Variants in SLIT3 observed in about 807,000 individuals in gnomAD.
The protein encoded by SLIT3 is slit guidance ligand 3, also known as slit homolog 3 protein.
Under a neutral mutation model 184.0 loss-of-function variants are expected in SLIT3, and 68 were observed. That is an observed-to-expected ratio of 0.37 (90% CI 0.30 to 0.45). The LOEUF is 0.45. Among genes scored for constraint, SLIT3 ranks in the 20% least tolerant of loss-of-function variants. SLIT3 has a pLI of 1.00. For missense variants in SLIT3, 1,707 were observed against 2,026.0 expected, an observed-to-expected ratio of 0.84 and a Z score of 3.02; for synonymous variants, 831 against 828.6, an observed-to-expected ratio of 1.00 and a Z score of -0.05.
At chr5:169,020,377 C>G (rs1488929629) in intron 4 of SLIT3, among the ~76,000 whole-genome samples, 1 of 152,116 alleles carries the variant, frequency 6.6e-6, no homozygotes, top group African/African-American at 2.4e-5. Context: ...TGAGTTTGAT[C>G]CCCCACGATG....
Position 168,865,988 on chromosome 5 carries a change from A to G in SLIT3, c.485+17277T>C, listed in dbSNP as rs116592315. Among the ~76,000 whole-genome samples the G allele has an allele frequency of 4.3e-3, 657 of 152,266 alleles. 4 individuals carry two copies. Among genetic ancestry groups the G allele is most frequent in the African/African-American group, 0.015 (640 of 41,554 alleles). Reference sequence around the variant, plus strand: ...TGTATTCTCATTCCTAAGCAGCTTGACCTTCCCATCTACCCAACTATGGTA... The same window carrying G: ...TGTATTCTCATTCCTAAGCAGCTTGGCCTTCCCATCTACCCAACTATGGTA... On this transcript the variant is annotated intron_variant, in intron 5 of 35. Transcript: ENST00000519560.
At chr5:168,985,757 G>C (rs534170077) in intron 4 of SLIT3, among the ~76,000 whole-genome samples, 1 of 152,114 alleles carries the variant, frequency 6.6e-6, no homozygotes, top group Non-Finnish European at 1.5e-5. Context: ...TGTGGTGGCC[G>C]TCTTGCTACA....
intron 4 of SLIT3, among the ~76,000 whole-genome samples, chr5:169,156,054 A>T (rs767619442): frequency 6.6e-6 from 1 of 152,228 alleles, no homozygotes; most frequent in Non-Finnish European, 1.5e-5. Context: ...TACTTATTTT[A>T]ACCTAATATT....
chr5:169,150,924 T>C (rs1762094440), intron 4 of SLIT3, among the ~76,000 whole-genome samples: 1 of 152,210 alleles, frequency 6.6e-6, no homozygotes, highest in Non-Finnish European at 1.5e-5. Flanking sequence ...CTGCTGAAAT[T>C]AATTCTCCAG....
chr5:169,270,935 GT>G (rs1322363805), intron 1 of SLIT3, among the ~76,000 whole-genome samples: 1 of 152,136 alleles, frequency 6.6e-6, no homozygotes, highest in African/African-American at 2.4e-5. Context: ...ACTAGGCAAG[GT>G]TATACATGTC....
chr5:168,889,323 C>T (rs1760347679), intron 4 of SLIT3, among the ~76,000 whole-genome samples: 1 of 152,172 alleles, frequency 6.6e-6, no homozygotes, highest in African/African-American at 2.4e-5. Context: ...TCTGGTACCT[C>T]CAGCTGGGTG....
intron 4 of SLIT3, among the ~76,000 whole-genome samples, chr5:169,135,448 T>C (rs1283449467): frequency 1.3e-5 from 2 of 152,142 alleles, no homozygotes; most frequent in African/African-American, 2.4e-5. Context: ...GTTGTTCTCT[T>C]TTCCTGGGTT....
At chr5:168,861,393 C>T (rs1759102151) in intron 5 of SLIT3, among the ~76,000 whole-genome samples, 1 of 141,972 alleles carries the variant, frequency 7.0e-6, no homozygotes, top group African/African-American at 2.6e-5. Context: ...TGTCCGTCCC[C>T]AACCCCTGCC....
chr5:169,015,331 G>A (rs970610720), intron 4 of SLIT3, among the ~76,000 whole-genome samples: 9 of 152,162 alleles, frequency 5.9e-5, no homozygotes, highest in Non-Finnish European at 1.3e-4. Flanking sequence ...CCCTGGATCT[G>A]GCAGGGAAGC....
intron 4 of SLIT3, among the ~76,000 whole-genome samples, chr5:168,925,592 C>A (rs10062775): frequency 0.015 from 2,201 of 151,322 alleles, 66 homozygotes; most frequent in African/African-American, 0.051. Context: ...CCCATCTCTG[C>A]AGGACCAGAA....
At chr5:168,975,277 T>C (rs1265416964) in intron 4 of SLIT3, among the ~76,000 whole-genome samples, 1 of 152,158 alleles carries the variant, frequency 6.6e-6, no homozygotes, top group Admixed American at 6.5e-5. Flanking sequence ...CCAGAGCATG[T>C]GGTAGGGCAA....
intron 11 of SLIT3, among the ~76,000 whole-genome samples, chr5:168,787,472 CCTT>C (rs1459336772): frequency 1.3e-5 from 2 of 152,294 alleles, no homozygotes; most frequent in Middle Eastern, 3.4e-3. Context: ...GGCTTGACTA[CCTT>C]CTTCTTGCCT....
chr5:168,726,285 G>A (rs1763105047), intron 20 of SLIT3, among the ~76,000 whole-genome samples: 1 of 149,782 alleles, frequency 6.7e-6, no homozygotes, highest in Non-Finnish European at 1.5e-5. Context: ...CGTATATACT[G>A]GTGAATAAGA....
intron 7 of SLIT3, among the ~76,000 whole-genome samples, chr5:168,819,578 T>C (rs1184423466): frequency 6.6e-6 from 1 of 152,230 alleles, no homozygotes; most frequent in East Asian, 1.9e-4. Flanking sequence ...GGAGCATGTG[T>C]GCATGTGGCG....
intron 4 of SLIT3, among the ~76,000 whole-genome samples, chr5:169,062,868 A>T (rs1758224523): frequency 6.6e-6 from 1 of 152,206 alleles, no homozygotes; most frequent in Admixed American, 6.5e-5. Context: ...TGGGGAAGAA[A>T]AAGACCTTTA....
chr5:168,726,300 T>C (rs1342378745), intron 20 of SLIT3, among the ~76,000 whole-genome samples: 1 of 148,120 alleles, frequency 6.8e-6, no homozygotes, highest in Admixed American at 6.8e-5. Context: ...ATAAGAGCCA[T>C]AATTCCTGCT....
chr5:168,748,427 C>T lies in SLIT3; in HGVS notation c.2145G>A (p.Glu715=), dbSNP rs140892812. 66 of 1,524,136 alleles carry T rather than the reference C, an allele frequency of 4.3e-5. No individual in the cohort carries two copies. The African/African-American group carries it at 8.1e-4, about 19-fold the overall frequency. The allele number at this position is 1,524,136 out of a possible 1,614,324, so 94.4% of individuals were successfully genotyped here. A position where few individuals can be genotyped will look rare whatever the true frequency, so the allele number is the denominator to read the frequency against. Residue 715 remains glutamate (E), a synonymous_variant, in exon 20 of 36, where the codon GAG becomes GAA. Coordinates refer to ENST00000519560, the MANE Select transcript of SLIT3 (RefSeq NM_003062.4). ...GCGGGCTCAGCTGGCAGCTACTCTCCTCGTTGCCTGTGGAGAGCCCCAGAG... is the reference window on the plus strand; with the variant it reads ...GCGGGCTCAGCTGGCAGCTACTCTCTTCGTTGCCTGTGGAGAGCCCCAGAG... ...AIQDFTCDGN[E]ESSCQLSPRC...
At chr5:168,771,181 A>G (rs1260650910) in intron 14 of SLIT3, among the ~76,000 whole-genome samples, 1 of 152,164 alleles carries the variant, frequency 6.6e-6, no homozygotes, top group African/African-American at 2.4e-5. Context: ...ATAGAGGCCA[A>G]GGTTGGCGTG....
At chr5:168,832,307 C>T (rs189513254) in intron 6 of SLIT3, among the ~76,000 whole-genome samples, 292 of 152,304 alleles carry the variant, frequency 1.9e-3, no homozygotes, top group South Asian at 3.1e-3. Context: ...GCAATTTCCA[C>T]CTCAGCTGCA....
Sources: gnomAD v4.1 joint callset for allele counts (sites outside exome capture counted in the v4.1 genomes callset) on GRCh38, gnomAD v4.1.1 for gene constraint, MANE v1.5 for transcripts, NCBI Gene and HGNC (gene_info 2026-07-23, HGNC 2026-07-21) for gene names.